EPHA3: variants seen among roughly 807,000 people sequenced by gnomAD.
The protein encoded by EPHA3 is ephrin type-A receptor 3.
In EPHA3, 42 loss-of-function variants were observed where a neutral mutation model predicts 107.1. The ratio of observed to expected loss-of-function variants is 0.39; its 90% CI spans 0.31 to 0.51. EPHA3 has a LOEUF of 0.51. Among genes scored for constraint, EPHA3 ranks in the 20% least tolerant of loss-of-function variants. The pLI, the probability that EPHA3 is intolerant of heterozygous loss-of-function variation, is 0.78. For missense variants in EPHA3, 1,183 were observed against 1,211.2 expected, an observed-to-expected ratio of 0.98 and a Z score of 0.35; for synonymous variants, 461 against 424.8, an observed-to-expected ratio of 1.09 and a Z score of -1.05.
intron 11 of EPHA3, among the ~76,000 whole-genome samples, chr3:89,427,357 G>GA (rs1214071036): frequency 2.0e-5 from 3 of 151,718 alleles, no homozygotes; most frequent in Non-Finnish European, 3.0e-5. Context: ...CACATGAAAG[G>GA]AAAAAATCAA....
chr3:89,289,199 G>A (rs1467994014), intron 3 of EPHA3, among the ~76,000 whole-genome samples: 1 of 152,122 alleles, frequency 6.6e-6, no homozygotes. Flanking sequence ...TAACTGAAAC[G>A]TACAGGACTT....
At chr3:89,170,572 A>G (rs774877235) in intron 2 of EPHA3, among the ~76,000 whole-genome samples, 2 of 152,172 alleles carry the variant, frequency 1.3e-5, no homozygotes, top group Non-Finnish European at 2.9e-5. Flanking sequence ...GTTCTTCTAC[A>G]CTTTTCTTCT....
chr3:89,422,004 T>A (rs1228492067), intron 11 of EPHA3, among the ~76,000 whole-genome samples: 1 of 151,232 alleles, frequency 6.6e-6, no homozygotes, highest in African/African-American at 2.4e-5. Context: ...CAAATAAGCA[T>A]GTAAGAAGCT....
At chr3:89,170,940 A>ATTTTT (rs35361512) in intron 2 of EPHA3, among the ~76,000 whole-genome samples, 1 of 147,028 alleles carries the variant, frequency 6.8e-6, no homozygotes, top group African/African-American at 2.5e-5. Context: ...CTTTAAAACC[A>ATTTTT]TTTTTTTTTT....
intron 5 of EPHA3, among the ~76,000 whole-genome samples, chr3:89,378,471 T>C (rs1708443425): frequency 6.6e-6 from 1 of 152,082 alleles, no homozygotes; most frequent in Admixed American, 6.5e-5. Flanking sequence ...AACTTAAGAA[T>C]CATTACATGT....
At chr3:89,475,064 C>T (rs578051353) in intron 16 of EPHA3, among the ~76,000 whole-genome samples, 1 of 152,260 alleles carries the variant, frequency 6.6e-6, no homozygotes, top group South Asian at 2.1e-4. Context: ...CCTAACACTC[C>T]TTCTTGAAAG....
intron 3 of EPHA3, among the ~76,000 whole-genome samples, chr3:89,253,777 A>G (rs1342502904): frequency 6.6e-6 from 1 of 151,960 alleles, no homozygotes; most frequent in African/African-American, 2.4e-5. Context: ...CTGATTTGAA[A>G]TTATAGTTTG....
chr3:89,295,659 T>A lies in EPHA3; in HGVS notation c.815-45257T>A, dbSNP rs79773017. 2.7e-4 allele frequency among the ~76,000 whole-genome samples: 41 copies of A among 152,302 alleles called. No homozygotes were observed. The East Asian group carries it at 7.9e-3, about 29-fold the overall frequency. On this transcript the variant is annotated intron_variant, in intron 3 of 16. Coordinates refer to ENST00000336596, the MANE Select transcript of EPHA3 (RefSeq NM_005233.6). The stretch of plus-strand genomic sequence containing the variant: ...CAGGTTGGAGTGCCGTGGTGCAATC[T>A]CAGCTCGCTGCAACCTCTGCCACCG...
intron 2 of EPHA3, among the ~76,000 whole-genome samples, chr3:89,208,454 G>GAAAT (rs1706171738): frequency 8.7e-6 from 1 of 114,612 alleles, no homozygotes; most frequent in African/African-American, 4.1e-5. Flanking sequence ...AAGAAAGAAA[G>GAAAT]AAAGAAAGAA....
intron 3 of EPHA3, among the ~76,000 whole-genome samples, chr3:89,258,566 A>T (rs749503711): frequency 9.9e-5 from 15 of 152,228 alleles, no homozygotes; most frequent in Non-Finnish European, 1.5e-4. Flanking sequence ...TATATATGGA[A>T]AAATAAAACA....
chr3:89,219,747 C>T (rs1704321252), intron 3 of EPHA3, among the ~76,000 whole-genome samples: 2 of 77,550 alleles, frequency 2.6e-5, no homozygotes, highest in African/African-American at 4.5e-5. Flanking sequence ...CTCGCTCTGT[C>T]GCCCAGGCTG....
rs1399309747 is a variant in EPHA3 at position 89,134,487 on chromosome 3, G to A, written c.153+7214G>A. ...GCGATGTTTGGTTTTTTGTCCTTGC[G>A]ATAGTTTGCTGAGAATGATGGTTTC... On this transcript the variant is annotated intron_variant, in intron 2 of 16. Transcript: ENST00000336596. Among the ~76,000 whole-genome samples the A allele has an allele frequency of 3.3e-5, 5 of 152,082 alleles. No homozygotes were observed. In the East Asian group the frequency reaches 5.8e-4, roughly 18 times the overall value.
chr3:89,255,235 A>G (rs937569887), intron 3 of EPHA3, among the ~76,000 whole-genome samples: 3 of 152,218 alleles, frequency 2.0e-5, no homozygotes, highest in African/African-American at 7.2e-5. Context: ...TATTACACGT[A>G]TGACCACACA....
rs540980807 is a variant in EPHA3 at position 89,218,922 on chromosome 3, C to T, written c.814+8402C>T. ...TCAACCATTGTGGAAGTCGGTGTGG[C>T]GATTCCTCAGGGATCTAGAACTAGA... On this transcript the variant is annotated intron_variant, in intron 3 of 16. Transcript: ENST00000336596. Among the ~76,000 whole-genome samples, 14 of 152,130 alleles carry T rather than the reference C, an allele frequency of 9.2e-5. 1 individual carries two copies. The highest frequency in any genetic ancestry group is 6.2e-4 in the South Asian group (3 of 4,820).
chr3:89,181,087 T>C (rs1004308426), intron 2 of EPHA3, among the ~76,000 whole-genome samples: 3 of 152,054 alleles, frequency 2.0e-5, no homozygotes, highest in Non-Finnish European at 4.4e-5. Context: ...ATTGTAATTA[T>C]GTAATTTGAG....
intron 1 of EPHA3, among the ~76,000 whole-genome samples, chr3:89,110,072 C>T (rs1442468232): frequency 6.6e-6 from 1 of 151,756 alleles, no homozygotes; most frequent in Non-Finnish European, 1.5e-5. Flanking sequence ...AAATAGAAAG[C>T]AATTCTTTTG....
chr3:89,324,509 A>T (rs1361909539), intron 3 of EPHA3, among the ~76,000 whole-genome samples: 59 of 150,524 alleles, frequency 3.9e-4, no homozygotes, highest in African/African-American at 1.4e-3. Context: ...TATTTTTTTT[A>T]TTTTTTATTT....
chr3:89,352,492 A>G (rs757472858), intron 5 of EPHA3, among the ~76,000 whole-genome samples: 1 of 151,220 alleles, frequency 6.6e-6, no homozygotes, highest in Non-Finnish European at 1.5e-5. Context: ...TTTATTTCAC[A>G]GAATAAAGCA....
chr3:89,238,861 T>C (rs902689409), intron 3 of EPHA3, among the ~76,000 whole-genome samples: 7 of 152,168 alleles, frequency 4.6e-5, no homozygotes, highest in Non-Finnish European at 1.0e-4. Flanking sequence ...GTGGACTTGA[T>C]TATATTTTAG....
Sources: allele counts gnomAD v4.1 joint callset (sites outside exome capture counted in the v4.1 genomes callset), GRCh38; gene constraint gnomAD v4.1.1; transcripts MANE v1.5; gene names NCBI Gene and HGNC (gene_info 2026-07-23, HGNC 2026-07-21).